ELAC2: variants seen among roughly 807,000 people sequenced by gnomAD.
The protein encoded by ELAC2 is zinc phosphodiesterase ELAC protein 2.
A neutral mutation model predicts 105.2 loss-of-function variants in ELAC2; 92 were observed. The observed-to-expected ratio is 0.87, with a 90% confidence interval of 0.74 to 1.04. The LOEUF is 1.04. Ranked by LOEUF, ELAC2 falls within the 50% of genes least tolerant of loss-of-function variation. ELAC2 has a pLI of 0.00. For missense variants in ELAC2, 1,099 were observed against 1,071.7 expected (o/e 1.03, Z -0.36); for synonymous variants, 468 against 409.1 (o/e 1.14, Z -1.74).
intron 10 of ELAC2, 151 bp from the exon 11 acceptor site, chr17:13,005,252 C>T: frequency 2.8e-6 from 2 of 709,056 alleles, no homozygotes; most frequent in South Asian, 1.5e-5. Context: ...ACCATCAACA[C>T]CCTTCTGGTC....
In ELAC2 at chr17:13,009,093, A is replaced by T. The variant is rs552835753; in HGVS notation, c.738+1520T>A. On this transcript the variant is annotated intron_variant, in intron 8 of 23. Coordinates refer to ENST00000338034, the MANE Select transcript of ELAC2 (RefSeq NM_018127.7). ...ATTATCAAAAATAAAATATTTTTAA[A>T]ACTTTAAAAAATGATTTTGCTATCT... Among the ~76,000 whole-genome samples the T allele has an allele frequency of 2.6e-5, 4 of 152,396 alleles. No individual in the cohort carries two copies. In the South Asian group the frequency reaches 8.3e-4, roughly 32 times the overall value.
chr17:13,017,149 T>G, intron 1 of ELAC2, 28 bp from the exon 2 acceptor site: 1 of 1,603,680 alleles, frequency 6.2e-7, no homozygotes, highest in Non-Finnish European at 8.5e-7. Context: ...CACAAGACAT[T>G]CAGAAGGTTT....
At chr17:13,014,519 G>T in intron 4 of ELAC2, 23 bp from the exon 5 acceptor site, 1 of 1,582,242 alleles carries the variant, frequency 6.3e-7, no homozygotes, top group East Asian at 2.2e-5. Flanking sequence ...AAAGAAATGA[G>T]CAGTTATGGT....
chr17:13,013,993 G>A (rs1598269175), intron 5 of ELAC2, among the ~76,000 whole-genome samples: 1 of 152,126 alleles, frequency 6.6e-6, no homozygotes, highest in South Asian at 2.1e-4. Context: ...CATGAGGTGG[G>A]AACACAGAAA....
intron 14 of ELAC2, among the ~76,000 whole-genome samples, chr17:13,001,555 T>G (rs533128183): frequency 3.3e-5 from 5 of 152,210 alleles, no homozygotes; most frequent in African/African-American, 1.2e-4. Flanking sequence ...TGTGGGGCAG[T>G]AAGGCTGTTC....
At chr17:13,016,972 G>A (rs761616046) in intron 2 of ELAC2, 40 bp from the exon 3 acceptor site, 7 of 1,612,960 alleles carry the variant, frequency 4.3e-6, no homozygotes, top group Non-Finnish European at 5.9e-6. Flanking sequence ...AACATGAACA[G>A]AACAAGGACC....
At chr17:13,003,998 C>T in intron 11 of ELAC2, 1 of 218,242 alleles carries the variant, frequency 4.6e-6, no homozygotes, top group South Asian at 6.8e-5. Flanking sequence ...GTCTGCCTTC[C>T]AGAGGACCTG....
intron 14 of ELAC2, 78 bp downstream of exon 14, chr17:13,002,196 A>T: frequency 6.7e-7 from 1 of 1,490,884 alleles, no homozygotes. Context: ...GCCTCCTGGA[A>T]CATTTACTAT....
At chr17:12,994,336 C>T (rs2040355893) in intron 22 of ELAC2, 89 bp downstream of exon 22, 2 of 1,448,192 alleles carry the variant, frequency 1.4e-6, no homozygotes, top group Admixed American at 1.7e-5. Flanking sequence ...GGCAGCCCCA[C>T]ATCAGTGGAG....
intron 5 of ELAC2, among the ~76,000 whole-genome samples, chr17:13,013,689 C>T (rs2041557522): frequency 1.3e-5 from 2 of 152,200 alleles, no homozygotes; most frequent in South Asian, 4.1e-4. Flanking sequence ...CACAGATACA[C>T]ACCAGTGCCA....
rs961734846 is a variant in ELAC2 at position 12,999,790 on chromosome 17, C to A, written c.1423+366G>T. ...TCTCCTGCCTCAGTCTCCCGAGTAG[C>A]TGGGACTACAGGCGCCCGCCGCCAC... On this transcript the variant is annotated intron_variant, in intron 15 of 23. Transcript: ENST00000338034. Among the ~76,000 whole-genome samples, 100 of 152,284 alleles carry A rather than the reference C, an allele frequency of 6.6e-4. 2 individuals are homozygous for A. The highest frequency in any genetic ancestry group is 6.8e-3 in the Middle Eastern group (2 of 294).
At chr17:13,009,990 C>CAGAAAAAA (rs1256977797) in intron 8 of ELAC2, among the ~76,000 whole-genome samples, 1 of 76,208 alleles carries the variant, frequency 1.3e-5, no homozygotes, top group Non-Finnish European at 2.5e-5. Context: ...GACATGGTCT[C>CAGAAAAAA]AAAAAAAAAA....
intron 15 of ELAC2, among the ~76,000 whole-genome samples, 175 bp from the exon 16 acceptor site, chr17:12,998,683 G>A (rs543760649): frequency 6.6e-6 from 1 of 152,294 alleles, no homozygotes; most frequent in Admixed American, 6.5e-5. Flanking sequence ...AGGCGTTTGG[G>A]CTACAGGGAC....
intron 17 of ELAC2, chr17:12,996,323 CA>C: frequency 1.4e-6 from 1 of 700,478 alleles, no homozygotes. Context: ...TGGGTAAACT[CA>C]AACCTGTCCT....
At chr17:12,994,642 T>C (rs1361657314) in intron 21 of ELAC2, 122 bp downstream of exon 21, 12 of 1,598,700 alleles carry the variant, frequency 7.5e-6, no homozygotes, top group Non-Finnish European at 1.0e-5. Context: ...CCAGAGACTC[T>C]GAGGGTGGGG....
chr17:12,998,728 A>G (rs1329348522), intron 15 of ELAC2, among the ~76,000 whole-genome samples: 1 of 152,148 alleles, frequency 6.6e-6, no homozygotes, highest in Admixed American at 6.5e-5. Flanking sequence ...TGCAGTAGTA[A>G]GTACTGGCTC....
intron 3 of ELAC2, 101 bp from the exon 4 acceptor site, chr17:13,015,933 C>T: frequency 1.1e-6 from 1 of 918,956 alleles, no homozygotes; most frequent in Non-Finnish European, 1.8e-6. Context: ...TACATCTCCA[C>T]CTTCCAGCTT....
rs763061962 is a variant in ELAC2 at position 13,015,727 on chromosome 17, AG to A, written c.432+40del. On this transcript the variant is annotated intron_variant, in intron 4 of 23. Transcript: ENST00000338034. ...AAATTCTTGTTACTGATATTACAAA[AG>A]GAAAGATTGCTTTTGAAAGATGTGT... 1.0e-5 allele frequency: 16 copies of A among 1,559,804 alleles called. No homozygotes were observed. The South Asian group carries it at 1.8e-4, about 17-fold the overall frequency.
chr17:13,003,730 C>A lies in ELAC2; in HGVS notation c.984-156G>T, dbSNP rs182055583. 75 of 674,126 alleles carry A rather than the reference C, an allele frequency of 1.1e-4. No homozygotes were observed. In the African/African-American group the frequency reaches 1.2e-3, roughly 11 times the overall value. 41.8% of individuals were successfully genotyped at this position (674,126 alleles called of 1,614,324 possible). ...GGCCATGCTCTCACAGCAGGCTGCT[C>A]ACGGCAGACCCCGGTGCTGGGCCAT... On this transcript the variant is annotated intron_variant, in intron 11 of 23. Transcript: ENST00000338034.
Sources: allele counts gnomAD v4.1 joint callset (sites outside exome capture counted in the v4.1 genomes callset), GRCh38; gene constraint gnomAD v4.1.1; transcripts MANE v1.5; gene names NCBI Gene and HGNC (gene_info 2026-07-23, HGNC 2026-07-21).